ERMP1: variants seen among roughly 807,000 people sequenced by gnomAD.
The protein encoded by ERMP1 is Felix-ina.
Under a neutral mutation model 92.0 loss-of-function variants are expected in ERMP1, and 86 were observed. The ratio of observed to expected loss-of-function variants is 0.93; its 90% confidence interval spans 0.79 to 1.12. The LOEUF (loss-of-function observed/expected upper bound fraction) is 1.12, where lower values mean the gene tolerates loss of function less well. Ranked by LOEUF, ERMP1 falls within the 50% of genes most tolerant of loss-of-function variation. The probability of loss-of-function intolerance (pLI) is 0.00; values close to 1 mark genes in which losing one functional copy is unlikely to be tolerated. For missense variants in ERMP1, 1,342 were observed against 1,116.3 expected (o/e 1.20, Z -2.88); for synonymous variants, 530 against 412.8 (o/e 1.28, Z -3.44).
chr9:5,804,510 G>A (rs954373245), intron 10 of ERMP1, among the ~76,000 whole-genome samples: 1 of 152,172 alleles, frequency 6.6e-6, no homozygotes, highest in African/African-American at 2.4e-5. Context: ...ATGAAGGCAC[G>A]TTTGGGTGTC....
At chr9:5,794,796 G>GGTTCATAGGTGAATT (rs1828347111) in intron 13 of ERMP1, among the ~76,000 whole-genome samples, 1 of 152,002 alleles carries the variant, frequency 6.6e-6, no homozygotes, top group Non-Finnish European at 1.5e-5. Flanking sequence ...AGCCTACGGG[G>GGTTCATAGGTGAATT]GTTCATAGGT....
chr9:5,794,788 C>G (rs1164588572), intron 13 of ERMP1, among the ~76,000 whole-genome samples: 1 of 152,044 alleles, frequency 6.6e-6, no homozygotes, highest in Non-Finnish European at 1.5e-5. Flanking sequence ...ACCTACCAAG[C>G]CTACGGGGGT....
Position 5,806,435 on chromosome 9 carries a change from T to A in ERMP1, c.1549-650A>T, listed in dbSNP as rs538319115. 5.3e-5 allele frequency among the ~76,000 whole-genome samples: 8 copies of A among 151,828 alleles called. 1 individual carries two copies. The East Asian group carries it at 1.4e-3, about 26-fold the overall frequency. ...ATAAAGTTGCCATATAAACTTTTTTTTTTTTTTTTTGAGACAGGTTCTCGC... is the reference window on the plus strand; with the variant it reads ...ATAAAGTTGCCATATAAACTTTTTTATTTTTTTTTTGAGACAGGTTCTCGC... On this transcript the variant is annotated intron_variant, in intron 8 of 14. Coordinates refer to ENST00000339450, the MANE Select transcript of ERMP1 (RefSeq NM_024896.3).
intron 13 of ERMP1, among the ~76,000 whole-genome samples, chr9:5,788,041 A>T (rs1256755383): frequency 2.0e-5 from 3 of 152,234 alleles, no homozygotes; most frequent in African/African-American, 7.2e-5. Context: ...TTTCCCTTCA[A>T]GCTGGAAAAT....
At chr9:5,788,797 C>T (rs1306959314) in intron 13 of ERMP1, among the ~76,000 whole-genome samples, 1 of 151,858 alleles carries the variant, frequency 6.6e-6, no homozygotes. Context: ...ATTTAAAACC[C>T]CACCATGAAT....
chr9:5,809,732 C>A (rs970123963), intron 8 of ERMP1, among the ~76,000 whole-genome samples: 1 of 152,206 alleles, frequency 6.6e-6, no homozygotes, highest in Non-Finnish European at 1.5e-5. Context: ...TTTACAAACA[C>A]TGCAGCAAAT....
chr9:5,852,359 G>A (rs1300227788), intron 6 of ERMP1, among the ~76,000 whole-genome samples: 1 of 151,154 alleles, frequency 6.6e-6, no homozygotes, highest in Non-Finnish European at 1.5e-5. Flanking sequence ...ACCTTCCCAC[G>A]CTCAGGTGAC....
upstream of ERMP1, among the ~76,000 whole-genome samples, chr9:5,836,124 T>C (rs1830093566): frequency 6.6e-6 from 1 of 152,252 alleles, no homozygotes; most frequent in African/African-American, 2.4e-5. Context: ...ATGTCCCTTC[T>C]GTCTTGCCAT....
rs1173683019 is a variant in ERMP1, at chr9:5,787,239, T to C, written c.2620A>G (p.Lys874Glu). The change falls in exon 15 of 15, where the codon AAG (lysine) becomes GAG (glutamate). Residue 874 changes from lysine to glutamate, a missense_variant. Physicochemically the swap from Lys to Glu is moderately conservative, Grantham distance 56. Coordinates refer to ENST00000339450, the MANE Select transcript of ERMP1 (RefSeq NM_024896.3). ...IAAHYLSGED[K>E]RSPQLDALKE... ...AGAGCATCCAGTTGAGGGGATCTCT[T>C]GTCTTCCCCAGACAGATAGTGGGCA... 1 of 1,614,108 alleles carries C rather than the reference T, an allele frequency of 6.2e-7. No individual in the cohort carries two copies.
chr9:5,848,011 T>C (rs998636504), intron 6 of ERMP1, among the ~76,000 whole-genome samples: 1 of 151,800 alleles, frequency 6.6e-6, no homozygotes, highest in African/African-American at 2.4e-5. Flanking sequence ...AACTGAGGCT[T>C]AGAGAAAGGA....
rs1827891372 is a variant in ERMP1, at chr9:5,785,321, G to C, written c.*1823C>G. On this transcript the variant is annotated 3_prime_UTR_variant, in exon 15 of 15. Transcript: ENST00000339450. The stretch of plus-strand genomic sequence containing the variant: ...GATGAACCACGGGGATAGAAAATAG[G>C]CCCATTTTTAAAATTCATTGAGAAA... The C allele has an allele frequency of 6.6e-6, 1 of 152,098 alleles. No individual in the cohort carries two copies. The highest frequency in any genetic ancestry group is 6.6e-5 in the Admixed American group (1 of 15,264). 9.4% of individuals were successfully genotyped at this position (152,098 alleles called of 1,614,324 possible).
At chr9:5,811,044 G>T in intron 7 of ERMP1, 67 bp downstream of exon 7, 2 of 1,094,118 alleles carry the variant, frequency 1.8e-6, no homozygotes, top group South Asian at 1.4e-5. Flanking sequence ...TAAACAAACT[G>T]ACTGAAAAAC....
intron 4 of ERMP1, among the ~76,000 whole-genome samples, chr9:5,816,138 A>G (rs1829296125): frequency 6.6e-6 from 1 of 152,188 alleles, no homozygotes; most frequent in African/African-American, 2.4e-5. Context: ...CATGAGACAG[A>G]GTTAAAAAGA....
At chr9:5,810,361 T>G in intron 7 of ERMP1, 130 bp from the exon 8 acceptor site, 1 of 641,460 alleles carries the variant, frequency 1.6e-6, no homozygotes, top group East Asian at 2.7e-5. Context: ...TATGAAAATG[T>G]CCTAGTGTTG....
intron 11 of ERMP1, among the ~76,000 whole-genome samples, chr9:5,800,352 A>G (rs936845420): frequency 2.0e-5 from 3 of 152,176 alleles, no homozygotes; most frequent in Non-Finnish European, 4.4e-5. Context: ...GGTCTAAAAA[A>G]TTTGAAGAAA....
At chr9:5,860,633 A>C (rs1218491633) in intron 5 of ERMP1, among the ~76,000 whole-genome samples, 3 of 76,370 alleles carry the variant, frequency 3.9e-5, no homozygotes, top group Admixed American at 1.4e-4. Flanking sequence ...TTTTGTAGAG[A>C]TCGGGGGGTC....
intron 11 of ERMP1, among the ~76,000 whole-genome samples, chr9:5,800,296 T>G (rs1016824261): frequency 6.6e-6 from 1 of 152,198 alleles, no homozygotes; most frequent in African/African-American, 2.4e-5. Context: ...TTTAGCCATC[T>G]CTAACAGAGA....
chr9:5,846,626 G>T (rs1482847165), intron 6 of ERMP1, among the ~76,000 whole-genome samples: 1 of 152,134 alleles, frequency 6.6e-6, no homozygotes, highest in Non-Finnish European at 1.5e-5. Context: ...CAAAGGATTG[G>T]GCAAGCACTT....
At chr9:5,848,038 T>C (rs1300481758) in intron 6 of ERMP1, among the ~76,000 whole-genome samples, 2 of 152,108 alleles carry the variant, frequency 1.3e-5, no homozygotes. Context: ...TTACTGAAGG[T>C]CATACAGACA....
Sources: gnomAD v4.1 joint callset for allele counts (sites outside exome capture counted in the v4.1 genomes callset) on GRCh38, gnomAD v4.1.1 for gene constraint, MANE v1.5 for transcripts, NCBI Gene and HGNC (gene_info 2026-07-23, HGNC 2026-07-21) for gene names.